Variants in NTM observed in about 807,000 individuals in gnomAD.
NTM encodes the protein neurotrimin, also known as IgLON family member 2.
In NTM, 13 loss-of-function variants were observed where a neutral mutation model predicts 42.1. That is an observed-to-expected ratio of 0.31 (90% confidence interval 0.20 to 0.49). The LOEUF (loss-of-function observed/expected upper bound fraction) is 0.49, where lower values mean the gene tolerates loss of function less well. NTM is among the 20% of genes least tolerant of loss of function. The probability of loss-of-function intolerance (pLI) is 0.99; values close to 1 mark genes in which losing one functional copy is unlikely to be tolerated. For synonymous variants in NTM, 187 were observed against 179.2 expected (o/e 1.04, Z -0.35); for missense variants, 373 against 452.8 (o/e 0.82, Z 1.60).
chr11:132,302,768 G>T (rs545873205), intron 4 of NTM, among the ~76,000 whole-genome samples: 50 of 152,320 alleles, frequency 3.3e-4, no homozygotes, highest in African/African-American at 1.2e-3. Context: ...AGGAGCAGTG[G>T]ATTGGACATC....
intron 1 of NTM, among the ~76,000 whole-genome samples, chr11:131,476,058 G>C (rs1333214920): frequency 6.6e-6 from 1 of 151,972 alleles, no homozygotes; most frequent in African/African-American, 2.4e-5. Flanking sequence ...AAAGGAAGGA[G>C]GCAGGGAGGG....
At chr11:131,732,620 A>G (rs1289030732) in intron 1 of NTM, among the ~76,000 whole-genome samples, 1 of 152,218 alleles carries the variant, frequency 6.6e-6, no homozygotes, top group Non-Finnish European at 1.5e-5. Context: ...AGAAAGTCTC[A>G]TTATCTCAAG....
At chr11:131,432,937 C>T (rs1010684240) in intron 1 of NTM, among the ~76,000 whole-genome samples, 2 of 149,366 alleles carry the variant, frequency 1.3e-5, no homozygotes, top group Non-Finnish European at 3.0e-5. Context: ...TCACTGCAAG[C>T]TCCGCCTCCC....
chr11:132,162,546 T>A (rs1198160923), intron 3 of NTM, among the ~76,000 whole-genome samples: 1 of 139,528 alleles, frequency 7.2e-6, no homozygotes, highest in Non-Finnish European at 1.5e-5. Context: ...ATGTGAGTGC[T>A]TCTGTGCGTG....
rs137927407 is a variant in NTM, at chr11:131,379,839, G to A, written c.82+8951G>A. Reference sequence around the variant, plus strand: ...ATCATCCATTAACAGAGTGCTGGTGGTTCTTCTCTAGAGTTGTTCTGCTTC... The same window carrying A: ...ATCATCCATTAACAGAGTGCTGGTGATTCTTCTCTAGAGTTGTTCTGCTTC... On this transcript the variant is annotated intron_variant, in intron 1 of 8. Transcript: ENST00000683400. Among the ~76,000 whole-genome samples, 317 of 152,218 alleles carry A rather than the reference G, an allele frequency of 2.1e-3. 2 individuals are homozygous for A. Among genetic ancestry groups the A allele is most frequent in the African/African-American group, 7.0e-3 (292 of 41,534 alleles).
chr11:131,404,249 T>G (rs1945566271), intron 1 of NTM, among the ~76,000 whole-genome samples: 1 of 152,174 alleles, frequency 6.6e-6, no homozygotes, highest in Non-Finnish European at 1.5e-5. Context: ...CTCATCAAGG[T>G]CATCAGCAAC....
chr11:131,775,160 C>T (rs997433778), intron 1 of NTM, among the ~76,000 whole-genome samples: 1 of 152,198 alleles, frequency 6.6e-6, no homozygotes, highest in Non-Finnish European at 1.5e-5. Flanking sequence ...AAAACAGTCA[C>T]CTGAGTTTTA....
intron 3 of NTM, among the ~76,000 whole-genome samples, chr11:132,194,117 G>T (rs1019108881): frequency 2.2e-5 from 1 of 46,386 alleles, no homozygotes; most frequent in African/African-American, 1.0e-4. Context: ...ATTCTATGAA[G>T]CCAGCATTAT....
intron 2 of NTM, among the ~76,000 whole-genome samples, chr11:131,914,114 G>A (rs1383962560): frequency 6.6e-6 from 1 of 152,196 alleles, no homozygotes; most frequent in Admixed American, 6.5e-5. Context: ...CTTGTTCTGT[G>A]TACAGAGAGG....
At chr11:131,471,698 T>C (rs1478978878) in intron 1 of NTM, among the ~76,000 whole-genome samples, 2 of 152,142 alleles carry the variant, frequency 1.3e-5, no homozygotes, top group East Asian at 3.9e-4. Flanking sequence ...GCCGGTAAAT[T>C]CACTCTGTCC....
intron 1 of NTM, among the ~76,000 whole-genome samples, chr11:131,862,159 G>A (rs1023048851): frequency 2.6e-5 from 4 of 152,208 alleles, no homozygotes; most frequent in Admixed American, 2.6e-4. Flanking sequence ...GACTGTCTGA[G>A]AATTTTAGCA....
At chr11:131,686,553 T>A (rs2073899081) in intron 1 of NTM, among the ~76,000 whole-genome samples, 1 of 152,098 alleles carries the variant, frequency 6.6e-6, no homozygotes, top group African/African-American at 2.4e-5. Flanking sequence ...GGTCCTGCTG[T>A]CTCAAGGGTG....
At chr11:131,494,691 GA>G (rs933594562) in intron 1 of NTM, among the ~76,000 whole-genome samples, 16 of 151,610 alleles carry the variant, frequency 1.1e-4, no homozygotes, top group Non-Finnish European at 1.3e-4. Flanking sequence ...ATCTATCCAT[GA>G]AAAAAAAATA....
chr11:132,235,999 C>CAA (rs1297508906), intron 4 of NTM, among the ~76,000 whole-genome samples: 1 of 139,142 alleles, frequency 7.2e-6, no homozygotes, highest in African/African-American at 2.6e-5. Context: ...CACAGACACA[C>CAA]ACACACACAC....
intron 1 of NTM, among the ~76,000 whole-genome samples, chr11:131,710,541 G>A (rs1449469920): frequency 6.6e-6 from 1 of 152,076 alleles, no homozygotes; most frequent in African/African-American, 2.4e-5. Context: ...TTTTATTTCT[G>A]TCATGATATC....
intron 1 of NTM, among the ~76,000 whole-genome samples, chr11:131,764,848 A>G (rs2084857232): frequency 6.6e-6 from 1 of 152,172 alleles, no homozygotes; most frequent in Admixed American, 6.5e-5. Context: ...CAGAGACATC[A>G]TAACAGTTAA....
chr11:132,201,937 G>A (rs2081224421), intron 3 of NTM, among the ~76,000 whole-genome samples: 1 of 152,108 alleles, frequency 6.6e-6, no homozygotes, highest in Admixed American at 6.5e-5. Flanking sequence ...GAGAGTATAT[G>A]GGAAGCCCTT....
At chr11:132,035,539 T>C (rs1460303764) in intron 2 of NTM, among the ~76,000 whole-genome samples, 1 of 152,206 alleles carries the variant, frequency 6.6e-6, no homozygotes, top group Non-Finnish European at 1.5e-5. Context: ...AGTATTAAAA[T>C]ATTCGGTGAA....
chr11:131,520,729 C>A (rs371877686), intron 1 of NTM, among the ~76,000 whole-genome samples: 1 of 146,686 alleles, frequency 6.8e-6, no homozygotes, highest in African/African-American at 2.6e-5. Context: ...GACTTAGAAG[C>A]TTTATATGTA....
Sources: gnomAD v4.1 joint callset for allele counts (sites outside exome capture counted in the v4.1 genomes callset) on GRCh38, gnomAD v4.1.1 for gene constraint, MANE v1.5 for transcripts, NCBI Gene and HGNC (gene_info 2026-07-23, HGNC 2026-07-21) for gene names.